Variants in DCST1 observed in about 807,000 individuals in gnomAD.
DCST1 encodes the protein E3 ubiquitin-protein ligase DCST1.
DCST1 carries 78 observed loss-of-function variants against 89.1 expected under a neutral mutation model. That is an observed-to-expected ratio of 0.88 (90% confidence interval 0.73 to 1.06). The LOEUF (loss-of-function observed/expected upper bound fraction) is 1.06, where lower values mean the gene tolerates loss of function less well. DCST1 is among the 50% of genes least tolerant of loss of function. The probability of loss-of-function intolerance (pLI) is 0.00; values close to 1 mark genes in which losing one functional copy is unlikely to be tolerated. For missense variants in DCST1, 900 were observed against 928.6 expected (o/e 0.97, Z 0.40); for synonymous variants, 364 against 371.9 (o/e 0.98, Z 0.24).
At chr1:155,043,671 C>A (rs1660510497) in intron 10 of DCST1, among the ~76,000 whole-genome samples, 162 bp downstream of exon 10, 1 of 152,212 alleles carries the variant, frequency 6.6e-6, no homozygotes, top group Non-Finnish European at 1.5e-5. Context: ...GAAAAGTGGA[C>A]ATTTTGTCAG....
intron 10 of DCST1, among the ~76,000 whole-genome samples, chr1:155,044,480 CAA>C (rs57888793): frequency 1.1e-4 from 7 of 63,176 alleles, no homozygotes; most frequent in African/African-American, 2.0e-4. Flanking sequence ...GAGCTTGTCT[CAA>C]AAAAAAAAAA....
chr1:155,044,326 G>T (rs1369850225), intron 10 of DCST1, among the ~76,000 whole-genome samples: 1 of 151,984 alleles, frequency 6.6e-6, no homozygotes, highest in Non-Finnish European at 1.5e-5. Context: ...TACAAAAAAT[G>T]AACAAAATCA....
chr1:155,038,282 A>T (rs1049398173), intron 4 of DCST1, among the ~76,000 whole-genome samples: 7 of 152,258 alleles, frequency 4.6e-5, no homozygotes, highest in Non-Finnish European at 8.8e-5. Flanking sequence ...GGCAGGCAGG[A>T]GCCAGATCAC....
intron 16 of DCST1, among the ~76,000 whole-genome samples, chr1:155,049,956 C>T (rs1217399999): frequency 3.9e-5 from 6 of 152,194 alleles, no homozygotes; most frequent in Non-Finnish European, 7.3e-5. Context: ...GAGAAACTGG[C>T]TCAGAAGAGA....
At position 155,047,807 on chromosome 1, in the gene DCST1, G is replaced by C. The variant is rs1177074330; in HGVS notation, c.1633G>C (p.Gly545Arg). 1.9e-6 allele frequency: 3 copies of C among 1,614,054 alleles called. No individual in the cohort carries two copies. The highest frequency in any genetic ancestry group is 1.7e-6 in the Non-Finnish European group (2 of 1,180,022). ...CCTAGCCTGCCTGCCCCAGCCTGTG[G>C]GCCTGGATGCCAGGGCCTACTGGAG... Reference protein sequence around the residue: ...NNMPCLPQPVGLDARAYWRAA... With the variant: ...NNMPCLPQPVRLDARAYWRAA... Residue 545 changes from glycine (G) to arginine (R), a missense_variant, in exon 15 of 17, where the codon GGC becomes CGC. By Grantham distance (125) the Gly-to-Arg change is moderately radical. Transcript: ENST00000295542.
chr1:155,049,092 T>C, intron 16 of DCST1: 1 of 716,748 alleles, frequency 1.4e-6, no homozygotes, highest in Non-Finnish European at 2.6e-6. Context: ...GGTGGTCAGG[T>C]GTGGGACTCC....
Position 155,047,769 on chromosome 1 carries a change from G to T in DCST1, c.1613-18G>T, listed in dbSNP as rs1373451859. ...CTTGGCTGGTCCTGACCAGACCCCT[G>T]GCCTGCCCCTCCCCTAGCCTGCCTG... On this transcript the variant is annotated intron_variant, in intron 14 of 16. Coordinates refer to ENST00000295542, the MANE Select transcript of DCST1 (RefSeq NM_152494.4). 1.2e-6 allele frequency: 2 copies of T among 1,611,622 alleles called. No homozygotes were observed. The highest frequency in any genetic ancestry group is 1.7e-6 in the Non-Finnish European group (2 of 1,179,594).
At chr1:155,042,287 C>T (rs1260019403) in intron 8 of DCST1, among the ~76,000 whole-genome samples, 2 of 152,020 alleles carry the variant, frequency 1.3e-5, no homozygotes, top group Non-Finnish European at 2.9e-5. Context: ...TTAGTAGAGA[C>T]GGGGTTTCAC....
intron 16 of DCST1, among the ~76,000 whole-genome samples, chr1:155,048,754 A>G (rs898630048): frequency 1.3e-5 from 2 of 149,632 alleles, no homozygotes; most frequent in African/African-American, 5.1e-5. Flanking sequence ...AATGAGATTT[A>G]ATACAGTCTG....
intron 2 of DCST1, 28 bp from the exon 3 acceptor site, chr1:155,034,407 C>T (rs754787360): frequency 5.6e-6 from 9 of 1,613,660 alleles, no homozygotes; most frequent in Non-Finnish European, 7.6e-6. Context: ...GAAGAGTGGG[C>T]TGTTGAGCTA....
Position 155,039,412 on chromosome 1 carries a change from C to A in DCST1, c.272C>A (p.Ala91Asp), listed in dbSNP as rs917704055. 3 of 1,587,664 alleles carry A rather than the reference C, an allele frequency of 1.9e-6. No homozygotes were observed. The highest frequency in any genetic ancestry group is 2.6e-6 in the Non-Finnish European group (3 of 1,166,658). ...MFLYSLVGLG[A>D]MGWGTSPHIR... ...TGGGCTCTCCTGACAGGCTTGGGGG[C>A]CATGGGCTGGGGGACCTCCCCTCAC... Residue 91 changes from alanine to aspartate, a missense_variant, in exon 5 of 17, where the codon GCC becomes GAC. By Grantham distance (126) the Ala-to-Asp change is moderately radical. Coordinates refer to ENST00000295542, the MANE Select transcript of DCST1 (RefSeq NM_152494.4).
intron 10 of DCST1, chr1:155,045,441 G>T: frequency 4.4e-6 from 1 of 225,564 alleles, no homozygotes; most frequent in Non-Finnish European, 8.9e-6. Context: ...CACACTTCCA[G>T]GAGATATGCT....
chr1:155,034,958 C>A (rs749254026), intron 4 of DCST1: 8 of 571,126 alleles, frequency 1.4e-5, no homozygotes, highest in Non-Finnish European at 2.2e-5. Context: ...GACTCCCCAT[C>A]ACCCACATGA....
chr1:155,048,983 C>T (rs757283199), intron 16 of DCST1: 12 of 716,406 alleles, frequency 1.7e-5, no homozygotes, highest in Middle Eastern at 4.6e-4. Context: ...AGTTGTGTCA[C>T]CTTGGCCAAG....
chr1:155,034,016 G>C lies in DCST1; in HGVS notation c.-21G>C. On this transcript the variant is annotated 5_prime_UTR_variant, in exon 2 of 17. Coordinates refer to ENST00000295542, the MANE Select transcript of DCST1 (RefSeq NM_152494.4). ...TCCTTCAGGAGACCTGGGATGAGTG[G>C]TGCTTCCCCAAAACAGACTCATGGA... 6.2e-7 allele frequency: 1 copy of C among 1,614,066 alleles called. No individual in the cohort carries two copies. Among genetic ancestry groups the C allele is most frequent in the Non-Finnish European group, 8.5e-7 (1 of 1,179,996 alleles).
chr1:155,043,573 G>C, intron 10 of DCST1, 64 bp downstream of exon 10: 5 of 1,497,458 alleles, frequency 3.3e-6, no homozygotes, highest in Non-Finnish European at 3.6e-6. Context: ...TGCCCTGAGG[G>C]AGGCTGTAAG....
chr1:155,045,941 C>T lies in DCST1; in HGVS notation c.1221C>T (p.Asn407=). 6.2e-7 allele frequency: 1 copy of T among 1,614,250 alleles called. No homozygotes were observed. The highest frequency in any genetic ancestry group is 8.5e-7 in the Non-Finnish European group (1 of 1,180,052). Residue 407 remains asparagine, a synonymous_variant, in exon 11 of 17, where the codon AAC becomes AAT. Coordinates refer to ENST00000295542, the MANE Select transcript of DCST1 (RefSeq NM_152494.4). The stretch of plus-strand genomic sequence containing the variant: ...ATAACCATGACATTCGTTTTGACAA[C>T]ATCTACATCAGTACCTACTTCTGCC... ...DSYNHDIRFD[N]IYISTYFCQI...
At chr1:155,035,171 T>C (rs1271839435) in intron 4 of DCST1, 1 of 188,984 alleles carries the variant, frequency 5.3e-6, no homozygotes, top group East Asian at 1.4e-4. Flanking sequence ...TATGTTTTTG[T>C]TTTCGTTTTG....
chr1:155,034,065 C>A lies in DCST1; in HGVS notation c.29C>A (p.Thr10Lys). Reference sequence around the variant, plus strand: ...GACATTAAACATCATCAGAATGGCACAAGAGGGCAAAGAAGAAAACAGCCT... The same window carrying A: ...GACATTAAACATCATCAGAATGGCAAAAGAGGGCAAAGAAGAAAACAGCCT... MDIKHHQNG[T>K]RGQRRKQPHT... The change falls in exon 2 of 17, where the codon ACA becomes AAA. Residue 10 changes from threonine (T) to lysine (K), a missense_variant. By Grantham distance (78) the Thr-to-Lys change is moderately conservative. Transcript: ENST00000295542. 1 of 1,614,098 alleles carries A rather than the reference C, an allele frequency of 6.2e-7. No homozygotes were observed. The highest frequency in any genetic ancestry group is 8.5e-7 in the Non-Finnish European group (1 of 1,180,018).
Sources: gnomAD v4.1 joint callset for allele counts (sites outside exome capture counted in the v4.1 genomes callset) on GRCh38, gnomAD v4.1.1 for gene constraint, MANE v1.5 for transcripts, NCBI Gene and HGNC (gene_info 2026-07-23, HGNC 2026-07-21) for gene names.